Variants in SERPINF1 observed in about 807,000 individuals in gnomAD.
SERPINF1 encodes serpin family F member 1, also known as pigment epithelium-derived factor.
In SERPINF1, 29 loss-of-function variants were observed where a neutral mutation model predicts 37.3. The observed-to-expected ratio is 0.78, with a 90% CI of 0.58 to 1.06. The LOEUF (loss-of-function observed/expected upper bound fraction) is 1.06, where lower values mean the gene tolerates loss of function less well. SERPINF1 is among the 50% of genes least tolerant of loss of function. SERPINF1 has a pLI of 0.00. For missense variants in SERPINF1, 553 were observed against 532.2 expected, an observed-to-expected ratio of 1.04 and a Z score of -0.38; for synonymous variants, 281 against 227.9, an observed-to-expected ratio of 1.23 and a Z score of -2.10.
chr17:1,770,164 C>A, intron 3 of SERPINF1, 114 bp downstream of exon 3: 1 of 1,185,550 alleles, frequency 8.4e-7, no homozygotes, highest in Non-Finnish European at 1.2e-6. Context: ...TGAAGTAGCA[C>A]CAGGGGCCTG....
At chr17:1,776,115 C>T (rs1451326493) in intron 6 of SERPINF1, among the ~76,000 whole-genome samples, 2 of 152,004 alleles carry the variant, frequency 1.3e-5, no homozygotes, top group Non-Finnish European at 2.9e-5. Context: ...GTGAAGTCTC[C>T]AAGCCCTCTT....
chr17:1,775,343 C>T, intron 6 of SERPINF1, 143 bp downstream of exon 6: 2 of 793,278 alleles, frequency 2.5e-6, no homozygotes, highest in Non-Finnish European at 3.9e-6. Flanking sequence ...AGGTTAATAA[C>T]ATGTCTGAGC....
chr17:1,766,078 G>A (rs75878063), intron 1 of SERPINF1, among the ~76,000 whole-genome samples: 1 of 152,092 alleles, frequency 6.6e-6, no homozygotes, highest in Non-Finnish European at 1.5e-5. Flanking sequence ...TTGGTATCCG[G>A]TGATTCCATG....
rs1908055353 is a variant in SERPINF1 at position 1,776,712 on chromosome 17, G to A, written c.967G>A (p.Gly323Ser). 1 of 1,613,130 alleles carries A rather than the reference G, an allele frequency of 6.2e-7. No homozygotes were observed. Among genetic ancestry groups the A allele is most frequent in the South Asian group, 1.1e-5 (1 of 90,980 alleles). Residue 323 changes from glycine to serine, a missense_variant, in exon 7 of 8, where the codon GGC (glycine) becomes AGC (serine). Coordinates refer to ENST00000254722, the MANE Select transcript of SERPINF1 (RefSeq NM_002615.7). Reference protein sequence around the residue: ...TVPKLKLSYEGEVTKSLQEMK... With the variant: ...TVPKLKLSYESEVTKSLQEMK... The stretch of plus-strand genomic sequence containing the variant: ...CCCCAAGCTGAAGCTGAGTTATGAA[G>A]GCGAAGTCACCAAGTCCCTGCAGGA...
chr17:1,774,757 C>T (rs187984380), intron 5 of SERPINF1, among the ~76,000 whole-genome samples: 42 of 152,198 alleles, frequency 2.8e-4, no homozygotes, highest in East Asian at 1.9e-4. Flanking sequence ...TTACCATGCC[C>T]GGCTACCACT....
At chr17:1,769,435 G>T (rs912028638) in intron 2 of SERPINF1, among the ~76,000 whole-genome samples, 4 of 150,494 alleles carry the variant, frequency 2.7e-5, no homozygotes, top group African/African-American at 7.4e-5. Context: ...GTGGGTCATA[G>T]GTTTCGGCTT....
Position 1,776,426 on chromosome 17 carries a change from C to G in SERPINF1, c.787-106C>G, listed in dbSNP as rs1018891149. 1.4e-5 allele frequency: 14 copies of G among 990,178 alleles called. No individual in the cohort carries two copies. The African/African-American group carries it at 1.4e-4, about 10-fold the overall frequency. The allele number at this position is 990,178 out of a possible 1,614,324, so 61.3% of individuals were successfully genotyped here. On this transcript the variant is annotated intron_variant, in intron 6 of 7. Transcript: ENST00000254722. ...AATAGATGAGGGGCTGGATGAAGGA[C>G]GAGACCAGGGCCCCGTCACGGGAGA...
chr17:1,765,549 T>C (rs998955028), intron 1 of SERPINF1, among the ~76,000 whole-genome samples: 1 of 152,056 alleles, frequency 6.6e-6, no homozygotes, highest in South Asian at 2.1e-4. Context: ...CTCGAACTCC[T>C]GACCTCAGGC....
intron 2 of SERPINF1, 113 bp from the exon 3 acceptor site, chr17:1,769,739 G>C: frequency 1.7e-6 from 2 of 1,167,060 alleles, no homozygotes; most frequent in Non-Finnish European, 2.6e-6. Flanking sequence ...AAATTAGGAA[G>C]GACAGCCCCA....
intron 1 of SERPINF1, among the ~76,000 whole-genome samples, chr17:1,765,133 T>G (rs1907294625): frequency 6.9e-6 from 1 of 145,944 alleles, no homozygotes. Context: ...TTTGAGCCAC[T>G]GCGCCTGGCC....
Position 1,770,980 on chromosome 17 carries a change from T to C in SERPINF1, c.284-49T>C, listed in dbSNP as rs1287267572. ...CTGTGTTCTGGGAGGGGGCTTGATT[T>C]GGGGCCCTGGTGTGCAGTTATCAAC... On this transcript the variant is annotated intron_variant, in intron 3 of 7. Coordinates refer to ENST00000254722, the MANE Select transcript of SERPINF1 (RefSeq NM_002615.7). 3.1e-6 allele frequency: 5 copies of C among 1,612,506 alleles called. No homozygotes were observed. In the African/African-American group the frequency reaches 6.7e-5, roughly 22 times the overall value.
At position 1,766,703 on chromosome 17, in the gene SERPINF1, C is replaced by A; in HGVS notation, c.-8-200C>A. The A allele has an allele frequency of 1.7e-5, 10 of 583,306 alleles. 2 individuals are homozygous for A. The South Asian group carries it at 2.1e-4, about 12-fold the overall frequency. The allele number at this position is 583,306 out of a possible 1,614,324, so 36.1% of individuals were successfully genotyped here. On this transcript the variant is annotated intron_variant, in intron 1 of 7. Transcript: ENST00000254722. ...TGAGGCAGGGGGAGGGGCGGGAGAACCTTGCTGGGAGGGATGGGCCATCAA... is the reference window on the plus strand; with the variant it reads ...TGAGGCAGGGGGAGGGGCGGGAGAAACTTGCTGGGAGGGATGGGCCATCAA...
intron 2 of SERPINF1, 65 bp from the exon 3 acceptor site, chr17:1,769,785 GGA>G: frequency 6.4e-7 from 1 of 1,552,746 alleles, no homozygotes; most frequent in South Asian, 1.1e-5. Flanking sequence ...AAAGCCGTGA[GGA>G]GACAGTCCCT....
rs1597355256 is a variant in SERPINF1 at position 1,775,075 on chromosome 17, T to C, written c.661T>C (p.Phe221Leu). The change falls in exon 6 of 8, where the codon TTT (phenylalanine) becomes CTT (leucine). Residue 221 changes from phenylalanine (F) to leucine (L), a missense_variant. By Grantham distance (22) the Phe-to-Leu change is conservative. Coordinates refer to ENST00000254722, the MANE Select transcript of SERPINF1 (RefSeq NM_002615.7). Reference sequence around the variant, plus strand: ...CTTTCCAGGGCAGTGGGTAACAAAGTTTGACTCCAGAAAGACTTCCCTCGA... The same window carrying C: ...CTTTCCAGGGCAGTGGGTAACAAAGCTTGACTCCAGAAAGACTTCCCTCGA... ...AHFKGQWVTKFDSRKTSLEDF... is the reference protein window; with the variant it reads ...AHFKGQWVTKLDSRKTSLEDF... 6.2e-7 allele frequency: 1 copy of C among 1,613,998 alleles called. No homozygotes were observed.
chr17:1,773,245 G>T (rs948672802), intron 5 of SERPINF1, among the ~76,000 whole-genome samples: 4 of 152,048 alleles, frequency 2.6e-5, no homozygotes, highest in Non-Finnish European at 4.4e-5. Flanking sequence ...AGTCAGACAA[G>T]ATTTATTTAT....
chr17:1,767,076 C>T (rs535927043), intron 2 of SERPINF1, 82 bp downstream of exon 2: 20 of 1,252,470 alleles, frequency 1.6e-5, no homozygotes, highest in South Asian at 8.2e-5. Context: ...ACAGGGAACC[C>T]GGACCCAGGT....
At chr17:1,770,076 C>G in intron 3 of SERPINF1, 26 bp downstream of exon 3, 2 of 1,613,262 alleles carry the variant, frequency 1.2e-6, no homozygotes, top group Non-Finnish European at 1.7e-6. Flanking sequence ...CAGGAAGCCC[C>G]AGGCAGACCT....
chr17:1,765,868 C>CAAAAA (rs531558071), intron 1 of SERPINF1, among the ~76,000 whole-genome samples: 1 of 112,754 alleles, frequency 8.9e-6, no homozygotes, highest in Non-Finnish European at 1.9e-5. Context: ...TCTTGTCTCC[C>CAAAAA]AAAAAAAAAA....
At chr17:1,773,695 T>C (rs774569722) in intron 5 of SERPINF1, among the ~76,000 whole-genome samples, 1 of 152,210 alleles carries the variant, frequency 6.6e-6, no homozygotes, top group African/African-American at 2.4e-5. Flanking sequence ...GTCTCCAAGT[T>C]TTCTAACAGC....
Sources: gnomAD v4.1 joint callset for allele counts (sites outside exome capture counted in the v4.1 genomes callset) on GRCh38, gnomAD v4.1.1 for gene constraint, MANE v1.5 for transcripts, NCBI Gene and HGNC (gene_info 2026-07-23, HGNC 2026-07-21) for gene names.